CROCC: variants seen among roughly 807,000 people sequenced by gnomAD.
The protein encoded by CROCC is ciliary rootlet coiled-coil, rootletin, also known as rootletin.
A neutral mutation model predicts 245.2 loss-of-function variants in CROCC; 180 were observed. The observed-to-expected ratio is 0.73, with a 90% CI of 0.65 to 0.83. The LOEUF (loss-of-function observed/expected upper bound fraction) is 0.83. Ranked by LOEUF, CROCC falls within the 40% of genes least tolerant of loss-of-function variation. The pLI is 0.00. For missense variants in CROCC, 2,688 were observed against 2,779.4 expected (o/e 0.97, Z 0.74); for synonymous variants, 1,205 against 1,241.6 (o/e 0.97, Z 0.62).
intron 17 of CROCC, 82 bp from the exon 18 acceptor site, chr1:16,948,249 G>A (rs2076092101): frequency 1.4e-6 from 2 of 1,455,588 alleles, no homozygotes; most frequent in Admixed American, 2.6e-5. Context: ...CCAGGACTGG[G>A]TTAGGCCCAG....
chr1:16,930,219 T>C lies in CROCC; in HGVS notation c.621+12T>C. 6 of 1,588,170 alleles carry C rather than the reference T, an allele frequency of 3.8e-6. No individual in the cohort carries two copies. Among genetic ancestry groups the C allele is most frequent in the Non-Finnish European group, 4.3e-6 (5 of 1,168,014 alleles). The stretch of plus-strand genomic sequence containing the variant: ...AGCAGCGGCTGAGGGTGGGTGCCAG[T>C]GTGGGGCAGGGGCAGGCCCTGCCCT... On this transcript the variant is annotated intron_variant, in intron 5 of 36. Transcript: ENST00000375541.
chr1:16,969,545 GCTACTGGTATAGA>G (rs2076477678), intron 32 of CROCC, among the ~76,000 whole-genome samples: 1 of 152,184 alleles, frequency 6.6e-6, no homozygotes, highest in Non-Finnish European at 1.5e-5. Context: ...AGAAGACAAG[GCTACTGGTATAGA>G]CTTGGGGGGA....
chr1:16,919,525 C>T (rs548581919), upstream of CROCC, among the ~76,000 whole-genome samples: 1 of 152,412 alleles, frequency 6.6e-6, no homozygotes, highest in African/African-American at 2.4e-5. Flanking sequence ...ACTCTTCAGT[C>T]ACCAGGTTAA....
chr1:16,934,266 A>T (rs2075741724), intron 8 of CROCC, among the ~76,000 whole-genome samples: 1 of 152,198 alleles, frequency 6.6e-6, no homozygotes, highest in South Asian at 2.1e-4. Context: ...CTGTTCATTC[A>T]GGAAAGGAAA....
At chr1:16,931,987 G>A (rs568590135) in intron 8 of CROCC, among the ~76,000 whole-genome samples, 10 of 151,558 alleles carry the variant, frequency 6.6e-5, no homozygotes, top group South Asian at 4.2e-4. Context: ...GGATGGTCTC[G>A]AACTCCTGAG....
At chr1:16,932,225 C>T (rs1196359817) in intron 8 of CROCC, among the ~76,000 whole-genome samples, 4 of 152,244 alleles carry the variant, frequency 2.6e-5, no homozygotes, top group Non-Finnish European at 4.4e-5. Flanking sequence ...GGGTGGATCA[C>T]CTGAGGTTAG....
chr1:16,918,288 G>A (rs1169636584), upstream of CROCC, among the ~76,000 whole-genome samples: 4 of 149,286 alleles, frequency 2.7e-5, no homozygotes, highest in African/African-American at 9.8e-5. Context: ...AGATTTCTAA[G>A]AGGAATTCAG....
In CROCC at chr1:16,950,947, G is replaced by A. The variant is rs532862774; in HGVS notation, c.2837-6G>A. The A allele has an allele frequency of 7.4e-5, 114 of 1,538,506 alleles. No individual in the cohort carries two copies. The highest frequency in any genetic ancestry group is 3.0e-4 in the South Asian group (24 of 81,340). On this transcript the variant is annotated splice_region_variant and splice_polypyrimidine_tract_variant and intron_variant, in intron 19 of 36. Coordinates refer to ENST00000375541, the MANE Select transcript of CROCC (RefSeq NM_014675.5). The stretch of plus-strand genomic sequence containing the variant: ...CCCTGCCCTTTCCCCCATTCCTCTC[G>A]TGCAGGGGAGTTGGCGGGCCTGCGG...
chr1:16,947,667 G>GGGGGTGCAGGAAGC (rs1557615982), intron 17 of CROCC, among the ~76,000 whole-genome samples: 4 of 152,216 alleles, frequency 2.6e-5, no homozygotes, highest in Non-Finnish European at 5.9e-5. Context: ...GGATGGGGTA[G>GGGGGTGCAGGAAGC]GGGGTGCAGG....
In CROCC at chr1:16,967,387, C is replaced by G. The variant is rs537500374; in HGVS notation, c.4860+816C>G. ...CTGTCCCTCTATTACTGCTTCCCCC[C>G]ACCACCCCCGCCCCCAAGGCCTCTG... is the stretch of plus-strand genomic sequence containing the variant. On this transcript the variant is annotated intron_variant, in intron 30 of 36. Coordinates refer to ENST00000375541, the MANE Select transcript of CROCC (RefSeq NM_014675.5). 3.0e-4 allele frequency among the ~76,000 whole-genome samples: 45 copies of G among 152,314 alleles called. 1 individual carries two copies. The highest frequency in any genetic ancestry group is 3.4e-3 in the Middle Eastern group (1 of 294).
intron 2 of CROCC, among the ~76,000 whole-genome samples, chr1:16,923,114 C>G (rs2075446808): frequency 6.6e-6 from 1 of 152,282 alleles, no homozygotes; most frequent in Admixed American, 6.5e-5. Flanking sequence ...TGGCTGAACC[C>G]AAGATACAGG....
intron 8 of CROCC, among the ~76,000 whole-genome samples, chr1:16,934,824 T>C (rs2075752107): frequency 6.6e-6 from 1 of 151,828 alleles, no homozygotes; most frequent in Non-Finnish European, 1.5e-5. Context: ...TCTTTTTTCT[T>C]TTTTGCTTCT....
At chr1:16,956,289 A>C in intron 25 of CROCC, 133 bp downstream of exon 25, 2 of 937,704 alleles carry the variant, frequency 2.1e-6, no homozygotes, top group Non-Finnish European at 3.1e-6. Context: ...CTCTCACCTA[A>C]CCTTGGTGTG....
intron 3 of CROCC, among the ~76,000 whole-genome samples, chr1:16,925,852 A>C (rs576228981): frequency 6.6e-6 from 1 of 152,336 alleles, no homozygotes; most frequent in African/African-American, 2.4e-5. Context: ...CAGGGTCTGC[A>C]GCGGGTGTGT....
rs1464093526 is a variant in CROCC, at chr1:16,939,321, A to T, written c.1608+179A>T. Among the ~76,000 whole-genome samples, 3 of 152,178 alleles carry T rather than the reference A, an allele frequency of 2.0e-5. No homozygotes were observed. In the East Asian group the frequency reaches 5.8e-4, roughly 29 times the overall value. ...GTTTCTGAGGGTGTCAGGACCCCCA[A>T]GGAGGTGGCCGAGAGCTCTGCGGTG... On this transcript the variant is annotated intron_variant, in intron 12 of 36. Transcript: ENST00000375541.
At chr1:16,923,347 A>T (rs1417835280) in intron 2 of CROCC, among the ~76,000 whole-genome samples, 1 of 152,122 alleles carries the variant, frequency 6.6e-6, no homozygotes, top group East Asian at 1.9e-4. Flanking sequence ...TCTGTGTTCA[A>T]CTCCCAAGCT....
chr1:16,946,171 G>C, intron 15 of CROCC, 88 bp from the exon 16 acceptor site: 1 of 1,420,710 alleles, frequency 7.0e-7, no homozygotes, highest in East Asian at 2.4e-5. Flanking sequence ...TGTCTCTGAG[G>C]GTCCATCTCT....
At chr1:16,969,375 G>C in intron 32 of CROCC, 35 bp downstream of exon 32, 4 of 1,577,920 alleles carry the variant, frequency 2.5e-6, no homozygotes, top group Non-Finnish European at 3.5e-6. Context: ...GGTGGGCCCA[G>C]TGAGAGAGTC....
intron 28 of CROCC, 47 bp from the exon 29 acceptor site, chr1:16,965,952 G>C (rs772956783): frequency 6.2e-7 from 1 of 1,602,900 alleles, no homozygotes; most frequent in South Asian, 1.1e-5. Flanking sequence ...AGGTTGCAGG[G>C]TGTCAGAGCA....
Sources: gnomAD v4.1 joint callset for allele counts (sites outside exome capture counted in the v4.1 genomes callset) on GRCh38, gnomAD v4.1.1 for gene constraint, MANE v1.5 for transcripts, NCBI Gene and HGNC (gene_info 2026-07-23, HGNC 2026-07-21) for gene names.